GIT1: variants seen among roughly 807,000 people sequenced by gnomAD.
GIT1 encodes GIT ArfGAP 1.
A neutral mutation model predicts 91.7 loss-of-function variants in GIT1; 14 were observed. The observed-to-expected ratio is 0.15, with a 90% CI of 0.10 to 0.24. The LOEUF is 0.24. Among genes scored for constraint, GIT1 ranks in the 10% least tolerant of loss-of-function variants. The probability of loss-of-function intolerance (pLI) is 1.00; values close to 1 mark genes in which losing one functional copy is unlikely to be tolerated. For synonymous variants in GIT1, 414 were observed against 418.2 expected, an observed-to-expected ratio of 0.99 and a Z score of 0.12; for missense variants, 717 against 1,024.9, an observed-to-expected ratio of 0.70 and a Z score of 4.10.
Position 29,576,547 on chromosome 17 carries a change from T to A in GIT1, c.1355A>T (p.Asp452Val). Residue 452 changes from aspartate to valine, a missense_variant, in exon 13 of 20, where the codon GAC (aspartate) becomes GTC (valine). Asp to Val is a radical substitution (Grantham distance 152). This residue lies in a region of GIT1 where 312 missense variants were observed against 349.5 expected (regional missense o/e 0.89). Transcript: ENST00000225394. ...QLMKVNSSLS[D>V]ELRRLQREIH... ...CTCTCGCTGCAGCCTCCGGAGCTCG[T>A]CGCTCAGGCTACTGTTGACCTTCAT... is the stretch of plus-strand genomic sequence containing the variant. 6.2e-7 allele frequency: 1 copy of A among 1,613,942 alleles called. No individual in the cohort carries two copies. The highest frequency in any genetic ancestry group is 8.5e-7 in the Non-Finnish European group (1 of 1,180,000).
intron 4 of GIT1, 139 bp downstream of exon 4, chr17:29,582,559 T>C (rs891667603): frequency 6.2e-6 from 4 of 644,454 alleles, no homozygotes; most frequent in Non-Finnish European, 1.1e-5. Context: ...CAATCTGCTC[T>C]CTCCACCCTG....
chr17:29,577,630 A>G lies in GIT1; in HGVS notation c.981+15T>C, dbSNP rs754450338. On this transcript the variant is annotated intron_variant, in intron 10 of 19. Coordinates refer to ENST00000225394, the MANE Select transcript of GIT1 (RefSeq NM_014030.4). Reference sequence around the variant, plus strand: ...TGAAGTAGACCACCCCAGGCCCCCAATCCAGCCCCCTCACCTGATTCCGCG... The same window carrying G: ...TGAAGTAGACCACCCCAGGCCCCCAGTCCAGCCCCCTCACCTGATTCCGCG... 9.7e-6 allele frequency: 15 copies of G among 1,554,102 alleles called. No homozygotes were observed. Among genetic ancestry groups the G allele is most frequent in the South Asian group, 3.3e-5 (3 of 89,854 alleles).
chr17:29,578,381 GAGAGGGGCCC>G lies in GIT1; in HGVS notation c.811-20_811-11del. The stretch of plus-strand genomic sequence containing the variant: ...AAAGCCGGTTGCTGAGCTGGAGGAA[GAGAGGGGCCC>G]AGATGTTGTCAGATGCATCGGCTCC... On this transcript the variant is annotated splice_polypyrimidine_tract_variant and intron_variant, in intron 8 of 19. Coordinates refer to ENST00000225394, the MANE Select transcript of GIT1 (RefSeq NM_014030.4). 1 of 1,613,680 alleles carries G rather than the reference GAGAGGGGCCC, an allele frequency of 6.2e-7. No individual in the cohort carries two copies. The highest frequency in any genetic ancestry group is 8.5e-7 in the Non-Finnish European group (1 of 1,179,572).
intron 8 of GIT1, 36 bp from the exon 9 acceptor site, chr17:29,578,407 CA>C: frequency 1.3e-6 from 2 of 1,593,996 alleles, no homozygotes; most frequent in Non-Finnish European, 1.7e-6. Flanking sequence ...TTGTCAGATG[CA>C]TCGGCTCCCA....
chr17:29,588,297 ATGGATG>A (rs1162765922), intron 1 of GIT1, among the ~76,000 whole-genome samples: 1 of 152,186 alleles, frequency 6.6e-6, no homozygotes, highest in Non-Finnish European at 1.5e-5. Flanking sequence ...TAAAGAAAGA[ATGGATG>A]TGGGCTAGAG....
At chr17:29,577,289 T>TA in intron 10 of GIT1, 42 bp from the exon 11 acceptor site, 1 of 1,513,648 alleles carries the variant, frequency 6.6e-7, no homozygotes, top group Non-Finnish European at 9.2e-7. Context: ...GGGGACCCCT[T>TA]ATGACTGACG....
chr17:29,580,774 TTC>T (rs2033369948), intron 7 of GIT1, among the ~76,000 whole-genome samples: 1 of 151,570 alleles, frequency 6.6e-6, no homozygotes, highest in Admixed American at 6.6e-5. Flanking sequence ...CTGTTTCTTT[TTC>T]TTTTTTTTTT....
chr17:29,578,927 C>T (rs920814709), intron 7 of GIT1, 148 bp from the exon 8 acceptor site: 3 of 1,610,640 alleles, frequency 1.9e-6, no homozygotes, highest in South Asian at 1.1e-5. Context: ...CCCTACCCCA[C>T]CTTCAGGCCT....
At position 29,575,566 on chromosome 17, in the gene GIT1, G is replaced by C; in HGVS notation, c.1826+64C>G. ...CCCGCCTTGGTCCTCACACACTGGG[G>C]GCCCTCTCAACCTCCCCGCCTCGGC... On this transcript the variant is annotated intron_variant, in intron 17 of 19. Coordinates refer to ENST00000225394, the MANE Select transcript of GIT1 (RefSeq NM_014030.4). This position sits in a 1 kb window ranked among gnomAD's most constrained non-coding sequence, Gnocchi z 5.5. The C allele has an allele frequency of 6.4e-7, 1 of 1,569,314 alleles. No individual in the cohort carries two copies. Among genetic ancestry groups the C allele is most frequent in the Non-Finnish European group, 8.7e-7 (1 of 1,147,330 alleles).
chr17:29,581,636 C>T lies in GIT1; in HGVS notation c.718+106G>A, dbSNP rs549106964. The T allele has an allele frequency of 4.6e-6, 4 of 862,894 alleles. No individual in the cohort carries two copies. Among genetic ancestry groups the T allele is most frequent in the South Asian group, 4.3e-5 (3 of 69,228 alleles). The allele number at this position is 862,894 out of a possible 1,614,324, so 53.5% of individuals were successfully genotyped here. On this transcript the variant is annotated intron_variant, in intron 6 of 19. Coordinates refer to ENST00000225394, the MANE Select transcript of GIT1 (RefSeq NM_014030.4). This position sits in a 1 kb window ranked among gnomAD's most constrained non-coding sequence, Gnocchi z 4.8. Reference sequence around the variant, plus strand: ...GCCAGTTGCCTAGCAACATTGCTCCCCAGCCGCTCTGTCACCATGGCACCT... The same window carrying T: ...GCCAGTTGCCTAGCAACATTGCTCCTCAGCCGCTCTGTCACCATGGCACCT...
intron 9 of GIT1, 29 bp downstream of exon 9, chr17:29,578,270 A>G: frequency 1.3e-6 from 2 of 1,589,808 alleles, no homozygotes; most frequent in Non-Finnish European, 1.7e-6. Context: ...CGGGTCCTCC[A>G]CGCCAGACAC....
intron 7 of GIT1, among the ~76,000 whole-genome samples, chr17:29,579,942 T>C (rs1389721322): frequency 6.6e-6 from 1 of 152,114 alleles, no homozygotes; most frequent in South Asian, 2.1e-4. Context: ...CTGCTGATGC[T>C]CTCGGGGCTG....
At chr17:29,584,832 A>G (rs2033533271) in intron 1 of GIT1, among the ~76,000 whole-genome samples, 1 of 152,196 alleles carries the variant, frequency 6.6e-6, no homozygotes, top group African/African-American at 2.4e-5. Context: ...GACTTCCACC[A>G]AAGTTCCCAG....
chr17:29,588,709 C>T (rs1246567381), intron 1 of GIT1, among the ~76,000 whole-genome samples: 7 of 152,220 alleles, frequency 4.6e-5, no homozygotes, highest in Non-Finnish European at 8.8e-5. Flanking sequence ...CCCGAGAAGA[C>T]ACCCGGGTCT....
chr17:29,585,126 A>AG, intron 1 of GIT1, among the ~76,000 whole-genome samples: 1 of 152,118 alleles, frequency 6.6e-6, no homozygotes, highest in East Asian at 1.9e-4. Flanking sequence ...CTCAGGAGGA[A>AG]GGGACCAGCC....
Position 29,575,005 on chromosome 17 carries a change from G to T in GIT1, c.2073+74C>A. On this transcript the variant is annotated intron_variant, in intron 19 of 19. Coordinates refer to ENST00000225394, the MANE Select transcript of GIT1 (RefSeq NM_014030.4). The surrounding 1 kb of genome is among the most constrained non-coding windows in gnomAD (Gnocchi z 5.5). ...TTGTCTGTGTCTCCACCCAGGTAGC[G>T]ATCAGATGGGATTCTCCACGCCTGC... 1 of 1,465,322 alleles carries T rather than the reference G, an allele frequency of 6.8e-7. No individual in the cohort carries two copies. Among genetic ancestry groups the T allele is most frequent in the Non-Finnish European group, 9.4e-7 (1 of 1,065,110 alleles). 90.8% of individuals were successfully genotyped at this position (1,465,322 alleles called of 1,614,324 possible).
intron 7 of GIT1, among the ~76,000 whole-genome samples, chr17:29,580,341 A>G (rs2033356180): frequency 6.6e-6 from 1 of 152,218 alleles, no homozygotes; most frequent in African/African-American, 2.4e-5. Context: ...GGGGTCTGGA[A>G]GAGGTCTGGG....
rs1179793983 is a variant in GIT1, at chr17:29,582,834, C to T, written c.300-31G>A. Reference sequence around the variant, plus strand: ...TGGGGCACACAGGAGGAATGGGGAGCATGGTGGGAGAGGGTGGTCACCTTG... The same window carrying T: ...TGGGGCACACAGGAGGAATGGGGAGTATGGTGGGAGAGGGTGGTCACCTTG... On this transcript the variant is annotated intron_variant, in intron 3 of 19. Coordinates refer to ENST00000225394, the MANE Select transcript of GIT1 (RefSeq NM_014030.4). 2.5e-6 allele frequency: 4 copies of T among 1,590,132 alleles called. No homozygotes were observed. In the African/African-American group the frequency reaches 4.0e-5, roughly 16 times the overall value.
Position 29,575,126 on chromosome 17 carries a change from C to T in GIT1, c.2026G>A (p.Glu676Lys), listed in dbSNP as rs770873627. The T allele has an allele frequency of 5.0e-6, 8 of 1,601,196 alleles. No homozygotes were observed. The South Asian group carries it at 8.8e-5, about 18-fold the overall frequency. ...TCGGTCACAGCCAAATGGATCTTCTCTGAGCAGGGCACGAAGCTGCGGGGA... is the reference window on the plus strand; with the variant it reads ...TCGGTCACAGCCAAATGGATCTTCTTTGAGCAGGGCACGAAGCTGCGGGGA... ...FKHDSFVPCS[E>K]KIHLAVTEMA... Residue 676 changes from glutamate (E) to lysine (K), a missense_variant, in exon 19 of 20, where the codon GAG becomes AAG. Physicochemically the swap from Glu to Lys is moderately conservative, Grantham distance 56 (BLOSUM62 1). Coordinates refer to ENST00000225394, the MANE Select transcript of GIT1 (RefSeq NM_014030.4). The surrounding 1 kb of genome is among the most constrained non-coding windows in gnomAD (Gnocchi z 5.5).
Sources: allele counts gnomAD v4.1 joint callset (sites outside exome capture counted in the v4.1 genomes callset), GRCh38; gene constraint gnomAD v4.1.1; regional missense constraint gnomAD v4.1.1; non-coding constraint Gnocchi (gnomAD v3.1); transcripts MANE v1.5; gene names NCBI Gene and HGNC (gene_info 2026-07-23, HGNC 2026-07-21).